The following FBXL7 variants were observed in gnomAD, a reference collection of about 807,000 sequenced individuals.
FBXL7 encodes the protein F-box and leucine rich repeat protein 7.
In FBXL7, 12 loss-of-function variants were observed where a neutral mutation model predicts 38.3. That is an observed-to-expected ratio of 0.31 (90% CI 0.20 to 0.51). The LOEUF is 0.51. Ranked by LOEUF, FBXL7 falls within the 20% of genes least tolerant of loss-of-function variation. The pLI, the probability that FBXL7 is intolerant of heterozygous loss-of-function variation, is 0.98. For missense variants in FBXL7, 567 were observed against 676.4 expected (o/e 0.84, Z 1.79); for synonymous variants, 297 against 300.9 (o/e 0.99, Z 0.13).
intron 2 of FBXL7, among the ~76,000 whole-genome samples, chr5:15,814,329 A>G (rs1463725570): frequency 1.3e-5 from 2 of 152,202 alleles, no homozygotes; most frequent in African/African-American, 2.4e-5. Context: ...ACACAGAAAC[A>G]GAAAACCAAA....
chr5:15,698,217 T>A (rs1743398937), intron 2 of FBXL7, among the ~76,000 whole-genome samples: 1 of 152,184 alleles, frequency 6.6e-6, no homozygotes, highest in Non-Finnish European at 1.5e-5. Flanking sequence ...TATACAGGAT[T>A]TTTATGAAAG....
At chr5:15,927,488 C>T (rs1327363501) in intron 2 of FBXL7, among the ~76,000 whole-genome samples, 1 of 152,138 alleles carries the variant, frequency 6.6e-6, no homozygotes, top group South Asian at 2.1e-4. Flanking sequence ...GAAACAGGTG[C>T]TGGCCGGGCA....
At chr5:15,848,523 C>T (rs893670709) in intron 2 of FBXL7, among the ~76,000 whole-genome samples, 1 of 151,880 alleles carries the variant, frequency 6.6e-6, no homozygotes, top group Non-Finnish European at 1.5e-5. Context: ...CTGGGATTAC[C>T]AGCACCTGCC....
chr5:15,655,502 AAAAAG>A lies in FBXL7; in HGVS notation c.127+39442_127+39446del, dbSNP rs532613942. On this transcript the variant is annotated intron_variant, in intron 2 of 3. Transcript: ENST00000504595. ...CGGTAAGACTCTGTCTCAAAAAAAA[AAAAAG>A]AAAAGAAAAGAGAAAGAAATATAAT... Among the ~76,000 whole-genome samples, 14 of 152,190 alleles carry A rather than the reference AAAAAG, an allele frequency of 9.2e-5. No individual in the cohort carries two copies. The South Asian group carries it at 1.9e-3, about 20-fold the overall frequency.
intron 1 of FBXL7, among the ~76,000 whole-genome samples, chr5:15,520,283 G>T (rs1208900432): frequency 6.6e-6 from 1 of 152,084 alleles, no homozygotes; most frequent in Non-Finnish European, 1.5e-5. Context: ...TAACCATCTG[G>T]GAATGCAGCC....
At chr5:15,657,775 T>C (rs569265868) in intron 2 of FBXL7, among the ~76,000 whole-genome samples, 2 of 152,094 alleles carry the variant, frequency 1.3e-5, no homozygotes, top group African/African-American at 4.8e-5. Flanking sequence ...AAGGCGAAGT[T>C]TGTAGTGAGC....
In FBXL7 at chr5:15,500,724, C is replaced by T; in HGVS notation, c.37+11C>T. 5 of 1,604,066 alleles carry T rather than the reference C, an allele frequency of 3.1e-6. No individual in the cohort carries two copies. Among genetic ancestry groups the T allele is most frequent in the South Asian group, 1.1e-5 (1 of 90,452 alleles). On this transcript the variant is annotated intron_variant, in intron 1 of 3. Coordinates refer to ENST00000504595, the MANE Select transcript of FBXL7 (RefSeq NM_012304.5). ...AGTACGGCAGTGAGGGTGAGTGGGC[C>T]GCCCGTCCTCAGACTCCCGGATCGC...
At chr5:15,757,539 G>GAAA (rs80038304) in intron 2 of FBXL7, among the ~76,000 whole-genome samples, 1 of 129,834 alleles carries the variant, frequency 7.7e-6, no homozygotes, top group Non-Finnish European at 1.7e-5. Context: ...ATTTTCTCAG[G>GAAA]AAAAAAAAAA....
chr5:15,516,463 G>T (rs571564314), intron 1 of FBXL7, among the ~76,000 whole-genome samples: 63 of 152,260 alleles, frequency 4.1e-4, no homozygotes, highest in African/African-American at 1.4e-3. Flanking sequence ...CAGTTTATTT[G>T]TATGGGATTT....
intron 2 of FBXL7, among the ~76,000 whole-genome samples, chr5:15,702,294 G>T (rs925547918): frequency 6.6e-6 from 1 of 151,866 alleles, no homozygotes; most frequent in African/African-American, 2.4e-5. Flanking sequence ...ACTGAAGGCT[G>T]TCATGGCTCA....
At chr5:15,740,602 A>G (rs955043399) in intron 2 of FBXL7, among the ~76,000 whole-genome samples, 11 of 152,204 alleles carry the variant, frequency 7.2e-5, no homozygotes, top group Non-Finnish European at 1.5e-4. Context: ...ATGAATCACA[A>G]ATGAGGGTGT....
rs138906921 is a variant in FBXL7 at position 15,729,030 on chromosome 5, T to A, written c.127+112958T>A. Among the ~76,000 whole-genome samples the A allele has an allele frequency of 2.0e-5, 3 of 152,260 alleles. No homozygotes were observed. The East Asian group carries it at 5.8e-4, about 29-fold the overall frequency. Reference sequence around the variant, plus strand: ...ATTGGTGTCTTAGAGCACTGCAATGTTTAATGCATTTGTGGATCTAATTTA... The same window carrying A: ...ATTGGTGTCTTAGAGCACTGCAATGATTAATGCATTTGTGGATCTAATTTA... On this transcript the variant is annotated intron_variant, in intron 2 of 3. Coordinates refer to ENST00000504595, the MANE Select transcript of FBXL7 (RefSeq NM_012304.5).
intron 2 of FBXL7, among the ~76,000 whole-genome samples, chr5:15,731,125 A>G (rs145753854): frequency 5.9e-5 from 9 of 152,286 alleles, no homozygotes; most frequent in African/African-American, 1.9e-4. Flanking sequence ...GGGAAAATGG[A>G]TGATTGGAAA....
intron 1 of FBXL7, among the ~76,000 whole-genome samples, chr5:15,538,509 A>G (rs903779880): frequency 2.0e-5 from 3 of 152,188 alleles, no homozygotes; most frequent in Non-Finnish European, 2.9e-5. Context: ...TATTGGTAGG[A>G]CTGGAGGAGG....
chr5:15,630,363 A>C (rs1045199658), intron 2 of FBXL7, among the ~76,000 whole-genome samples: 30 of 152,212 alleles, frequency 2.0e-4, no homozygotes, highest in South Asian at 2.1e-4. Context: ...ATCTGCTGAT[A>C]TCTCAAAGTA....
chr5:15,573,441 T>C (rs958873124), intron 1 of FBXL7, among the ~76,000 whole-genome samples: 20 of 152,288 alleles, frequency 1.3e-4, no homozygotes, highest in Admixed American at 1.2e-3. Flanking sequence ...TAGTGAACTT[T>C]TGAATCAAAA....
chr5:15,875,934 T>C (rs576803571), intron 2 of FBXL7, among the ~76,000 whole-genome samples: 2 of 152,320 alleles, frequency 1.3e-5, no homozygotes, highest in African/African-American at 4.8e-5. Flanking sequence ...ATCATTCTAC[T>C]ATAAAGACAC....
intron 1 of FBXL7, among the ~76,000 whole-genome samples, chr5:15,594,212 A>C (rs1739555521): frequency 6.6e-6 from 1 of 152,220 alleles, no homozygotes; most frequent in South Asian, 2.1e-4. Flanking sequence ...CTTTTGAATG[A>C]GGTTGAGAAG....
At chr5:15,888,196 CTTTATTTA>C (rs3034529) in intron 2 of FBXL7, among the ~76,000 whole-genome samples, 14,817 of 145,252 alleles carry the variant, frequency 0.1, 928 homozygotes, top group Non-Finnish European at 0.13. Context: ...GTAAACACCA[CTTTATTTA>C]TTTATTTATT....
Sources: gnomAD v4.1 joint callset for allele counts (sites outside exome capture counted in the v4.1 genomes callset) on GRCh38, gnomAD v4.1.1 for gene constraint, MANE v1.5 for transcripts, NCBI Gene and HGNC (gene_info 2026-07-23, HGNC 2026-07-21) for gene names.